The following ALDH1A3 variants were observed in gnomAD, a reference collection of about 807,000 sequenced individuals.
The protein encoded by ALDH1A3 is retinaldehyde dehydrogenase 3.
A neutral mutation model predicts 57.5 loss-of-function variants in ALDH1A3; 28 were observed. The ratio of observed to expected loss-of-function variants is 0.49; its 90% CI spans 0.36 to 0.67. ALDH1A3 has a LOEUF of 0.67. ALDH1A3 is among the 30% of genes least tolerant of loss of function. The pLI, the probability that ALDH1A3 is intolerant of heterozygous loss-of-function variation, is 0.00. For synonymous variants in ALDH1A3, 281 were observed against 264.8 expected (o/e 1.06, Z -0.59); for missense variants, 507 against 669.4 (o/e 0.76, Z 2.68).
intron 8 of ALDH1A3, among the ~76,000 whole-genome samples, chr15:100,899,641 G>A (rs184166369): frequency 6.6e-6 from 1 of 152,288 alleles, no homozygotes; most frequent in African/African-American, 2.4e-5. Flanking sequence ...CTGTTATCTC[G>A]GAGGAGGGGC....
intron 1 of ALDH1A3, among the ~76,000 whole-genome samples, chr15:100,884,053 G>A (rs1399924284): frequency 1.3e-5 from 2 of 152,136 alleles, no homozygotes; most frequent in South Asian, 2.1e-4. Context: ...AATTACTGAC[G>A]GCATTTTACT....
In ALDH1A3 at chr15:100,894,253, C is replaced by A; in HGVS notation, c.666+171C>A. The A allele has an allele frequency of 2.6e-6, 2 of 776,122 alleles. No homozygotes were observed. Among genetic ancestry groups the A allele is most frequent in the Admixed American group, 2.8e-5 (1 of 35,310 alleles). The allele number at this position is 776,122 out of a possible 1,614,324, so 48.1% of individuals were successfully genotyped here. ...GCACGTTCTTTCTCCTGCTTGTGGC[C>A]ACTGAGCTGGAGAAACTCCATTCCT... On this transcript the variant is annotated intron_variant, in intron 6 of 12. Coordinates refer to ENST00000329841, the MANE Select transcript of ALDH1A3 (RefSeq NM_000693.4). The surrounding 1 kb of genome is among the most constrained non-coding windows in gnomAD (Gnocchi z 4.5).
intron 6 of ALDH1A3, chr15:100,895,527 G>T (rs1362831725): frequency 5.6e-6 from 1 of 177,570 alleles, no homozygotes; most frequent in Non-Finnish European, 1.2e-5. Flanking sequence ...CCTGGGCAGG[G>T]CATTCTGATC....
chr15:100,882,008 C>A (rs1487077788), intron 1 of ALDH1A3, among the ~76,000 whole-genome samples: 3 of 152,134 alleles, frequency 2.0e-5, no homozygotes, highest in South Asian at 2.1e-4. Context: ...AGGGAAGGAG[C>A]GGGATAAACT....
At chr15:100,904,654 G>T (rs758569972) in intron 9 of ALDH1A3, among the ~76,000 whole-genome samples, 1 of 152,182 alleles carries the variant, frequency 6.6e-6, no homozygotes, top group Non-Finnish European at 1.5e-5. Context: ...AGTGGAGGGG[G>T]CAGAAAGAGC....
At position 100,894,123 on chromosome 15, in the gene ALDH1A3, C is replaced by T. The variant is rs28449981; in HGVS notation, c.666+41C>T. On this transcript the variant is annotated intron_variant, in intron 6 of 12. Coordinates refer to ENST00000329841, the MANE Select transcript of ALDH1A3 (RefSeq NM_000693.4). This position sits in a 1 kb window ranked among gnomAD's most constrained non-coding sequence, Gnocchi z 4.5. ...AGAAAATATCACATGTTCTTGGTAA[C>T]ATTCCCACTCCTAGGAACCAGGCCA... 301 of 1,606,434 alleles carry T rather than the reference C, an allele frequency of 1.9e-4. 3 individuals are homozygous for T. The African/African-American group carries it at 3.5e-3, about 19-fold the overall frequency.
rs991644861 is a variant in ALDH1A3, at chr15:100,900,663, G to C, written c.972G>C (p.Glu324Asp). 7 of 1,614,012 alleles carry C rather than the reference G, an allele frequency of 4.3e-6. No homozygotes were observed. Among genetic ancestry groups the C allele is most frequent in the Admixed American group, 1.7e-5 (1 of 59,992 alleles). ...CTAASRVFVE[E>D]QVYSEFVRRS... ...CAGCCTCCAGGGTGTTCGTGGAGGA[G>C]CAGGTCTACTCTGAGTTTGTCAGGC... Residue 324 changes from glutamate (E) to aspartate (D), a missense_variant, in exon 9 of 13, where the codon GAG becomes GAC. Glu to Asp is a conservative substitution (Grantham distance 45). Coordinates refer to ENST00000329841, the MANE Select transcript of ALDH1A3 (RefSeq NM_000693.4).
chr15:100,903,356 A>C (rs1234359368), intron 9 of ALDH1A3, among the ~76,000 whole-genome samples: 1 of 152,206 alleles, frequency 6.6e-6, no homozygotes, highest in Non-Finnish European at 1.5e-5. Flanking sequence ...AAAAACTGGA[A>C]GAGCTCTTTA....
Position 100,907,243 on chromosome 15 carries a change from G to A in ALDH1A3, c.1356G>A (p.Leu452=), listed in dbSNP as rs1199719762. Residue 452 remains leucine, a synonymous_variant, in exon 11 of 13, where the codon CTG becomes CTA. Transcript: ENST00000329841. ...TCACAAAAAATCTCGACAAAGCCCT[G>A]AAGTTGGCTTCTGCCTTAGAGTCTG... The part of the protein sequence containing the change: ...AVFTKNLDKA[L]KLASALESGT... 1 of 1,614,110 alleles carries A rather than the reference G, an allele frequency of 6.2e-7. No homozygotes were observed. Among genetic ancestry groups the A allele is most frequent in the African/African-American group, 1.3e-5 (1 of 74,940 alleles).
At position 100,887,756 on chromosome 15, in the gene ALDH1A3, C is replaced by T; in HGVS notation, c.345+44C>T. The T allele has an allele frequency of 6.5e-7, 1 of 1,540,100 alleles. No individual in the cohort carries two copies. The highest frequency in any genetic ancestry group is 1.4e-5 in the African/African-American group (1 of 73,256). On this transcript the variant is annotated intron_variant, in intron 3 of 12. Transcript: ENST00000329841. The surrounding 1 kb of genome is among the most constrained non-coding windows in gnomAD (Gnocchi z 4.6). The stretch of plus-strand genomic sequence containing the variant: ...GGGCCGGTGGGGGATGAGCCAGCCT[C>T]ACTGAGGGTCCTGTCCACCATGGGG...
Position 100,893,897 on chromosome 15 carries a change from A to C in ALDH1A3, c.538-57A>C. On this transcript the variant is annotated intron_variant, in intron 5 of 12. Transcript: ENST00000329841. This position sits in a 1 kb window ranked among gnomAD's most constrained non-coding sequence, Gnocchi z 4.8. ...CCTCCACAAAGGCATCGTTGAGCAC[A>C]TGGGACAGGGTAAGAGGGTGGATCT... 1 of 1,580,612 alleles carries C rather than the reference A, an allele frequency of 6.3e-7. No individual in the cohort carries two copies. Among genetic ancestry groups the C allele is most frequent in the South Asian group, 1.2e-5 (1 of 85,804 alleles).
intron 1 of ALDH1A3, chr15:100,880,410 C>T (rs891373081): frequency 5.4e-6 from 2 of 369,236 alleles, no homozygotes; most frequent in Non-Finnish European, 4.8e-6. Flanking sequence ...CCAGGGTGGA[C>T]GAGTCTGGCT....
Position 100,887,853 on chromosome 15 carries a change from C to T in ALDH1A3, c.345+141C>T. On this transcript the variant is annotated intron_variant, in intron 3 of 12. Transcript: ENST00000329841. The surrounding 1 kb of genome is among the most constrained non-coding windows in gnomAD (Gnocchi z 4.6). ...GTTCCATCCTCTGAGACACGGCTCT[C>T]TGGCAATACTTGCAGGTGTTAATGC... 1.9e-6 allele frequency: 2 copies of T among 1,053,744 alleles called. No homozygotes were observed. Among genetic ancestry groups the T allele is most frequent in the Non-Finnish European group, 2.6e-6 (2 of 775,354 alleles). The allele number at this position is 1,053,744 out of a possible 1,614,324, so 65.3% of individuals were successfully genotyped here.
In ALDH1A3 at chr15:100,898,151, G is replaced by A; in HGVS notation, c.849G>A (p.Gly283=). The change falls in exon 8 of 13, where the codon GGG becomes GGA. Residue 283 remains glycine, a synonymous_variant. Coordinates refer to ENST00000329841, the MANE Select transcript of ALDH1A3 (RefSeq NM_000693.4). ...AGCGGGTGACGCTGGAGCTGGGGGG[G>A]AAGAACCCCTGCATCGTGTGTGCGG... ...NLKRVTLELG[G]KNPCIVCADA... is the part of the protein sequence containing the mutation. 4 of 1,614,162 alleles carry A rather than the reference G, an allele frequency of 2.5e-6. No individual in the cohort carries two copies. Among genetic ancestry groups the A allele is most frequent in the South Asian group, 1.1e-5 (1 of 91,056 alleles).
At position 100,916,278 on chromosome 15, in the gene ALDH1A3, C is replaced by T. The variant is rs1396398085; in HGVS notation, c.*1505C>T. On this transcript the variant is annotated 3_prime_UTR_variant, in exon 13 of 13. Transcript: ENST00000329841. Reference sequence around the variant, plus strand: ...GATTTGGCTTCATACACTGAATTTTCAGTATTTTATCTCAAGTAGATATAG... The same window carrying T: ...GATTTGGCTTCATACACTGAATTTTTAGTATTTTATCTCAAGTAGATATAG... The T allele has an allele frequency of 6.6e-6, 1 of 152,234 alleles. No individual in the cohort carries two copies. Among genetic ancestry groups the T allele is most frequent in the East Asian group, 1.9e-4 (1 of 5,204 alleles). The allele number at this position is 152,234 out of a possible 1,614,324, so 9.4% of individuals were successfully genotyped here.
rs570239148 is a variant in ALDH1A3 at position 100,889,930 on chromosome 15, G to T, written c.345+2218G>T. On this transcript the variant is annotated intron_variant, in intron 3 of 12. Transcript: ENST00000329841. This position sits in a 1 kb window ranked among gnomAD's most constrained non-coding sequence, Gnocchi z 5.1. ...GAGAGCGCCCCTTGCTCTCCACCTC[G>T]ATATGGTTTCCGTGCATGTTCATGG... 6.6e-6 allele frequency among the ~76,000 whole-genome samples: 1 copy of T among 152,304 alleles called. No individual in the cohort carries two copies. Among genetic ancestry groups the T allele is most frequent in the Admixed American group, 6.5e-5 (1 of 15,298 alleles).
In ALDH1A3 at chr15:100,915,413, C is replaced by G. The variant is rs1477615185; in HGVS notation, c.*640C>G. 6.6e-6 allele frequency: 1 copy of G among 152,272 alleles called. No homozygotes were observed. Among genetic ancestry groups the G allele is most frequent in the Non-Finnish European group, 1.5e-5 (1 of 68,090 alleles). 9.4% of individuals were successfully genotyped at this position (152,272 alleles called of 1,614,324 possible). A position where few individuals can be genotyped will look rare whatever the true frequency, so the allele number is the denominator to read the frequency against. On this transcript the variant is annotated 3_prime_UTR_variant, in exon 13 of 13. Coordinates refer to ENST00000329841, the MANE Select transcript of ALDH1A3 (RefSeq NM_000693.4). ...GCATGTTGACATTGACCGTGAGATT[C>G]GGCTTCAAACCAATACTGCCTTTGG...
At chr15:100,898,289 C>A in intron 8 of ALDH1A3, 104 bp downstream of exon 8, 1 of 989,702 alleles carries the variant, frequency 1.0e-6, no homozygotes, top group Non-Finnish European at 1.5e-6. Context: ...AAGATGTGTG[C>A]ACACACAGTG....
chr15:100,891,389 G>C lies in ALDH1A3; in HGVS notation c.346-1121G>C, dbSNP rs557557265. Among the ~76,000 whole-genome samples, 5 of 152,350 alleles carry C rather than the reference G, an allele frequency of 3.3e-5. No individual in the cohort carries two copies. In the East Asian group the frequency reaches 9.6e-4, roughly 29 times the overall value. On this transcript the variant is annotated intron_variant, in intron 3 of 12. Transcript: ENST00000329841. ...AAGCAAAGGGGAGCTGGGGTAGCCC[G>C]AGCATCCGGAGTGGCTGCCCTGCAG...
Sources: allele counts gnomAD v4.1 joint callset (sites outside exome capture counted in the v4.1 genomes callset), GRCh38; gene constraint gnomAD v4.1.1; non-coding constraint Gnocchi (gnomAD v3.1); transcripts MANE v1.5; gene names NCBI Gene and HGNC (gene_info 2026-07-23, HGNC 2026-07-21).